CNTN4: variants seen among roughly 807,000 people sequenced by gnomAD.
CNTN4 encodes the protein contactin 4, also known as contactin-4.
A neutral mutation model predicts 122.5 loss-of-function variants in CNTN4; 77 were observed. The observed-to-expected ratio is 0.63, with a 90% CI of 0.52 to 0.76. The LOEUF (loss-of-function observed/expected upper bound fraction) is 0.76. Among genes scored for constraint, CNTN4 ranks in the 30% least tolerant of loss-of-function variants. The pLI is 0.00. For synonymous variants in CNTN4, 512 were observed against 447.0 expected (o/e 1.15, Z -1.83); for missense variants, 1,256 against 1,259.1 (o/e 1.00, Z 0.04).
intron 2 of CNTN4, among the ~76,000 whole-genome samples, chr3:2,332,177 G>T (rs1432012486): frequency 6.6e-6 from 1 of 152,018 alleles, no homozygotes; most frequent in East Asian, 1.9e-4. Flanking sequence ...AGTAACTTAT[G>T]GGCCACAATG....
chr3:2,331,765 G>A (rs1054717735), intron 2 of CNTN4, among the ~76,000 whole-genome samples: 2 of 152,170 alleles, frequency 1.3e-5, no homozygotes, highest in African/African-American at 4.8e-5. Context: ...TCAAGACCCC[G>A]AGTTTTGGGT....
At chr3:2,685,710 G>A (rs1413581990) in intron 4 of CNTN4, among the ~76,000 whole-genome samples, 1 of 151,962 alleles carries the variant, frequency 6.6e-6, no homozygotes, top group Non-Finnish European at 1.5e-5. Context: ...TGTTGTTCTT[G>A]TTGAAGCATG....
chr3:2,859,538 G>T (rs1047276165), intron 7 of CNTN4, among the ~76,000 whole-genome samples: 12 of 146,282 alleles, frequency 8.2e-5, no homozygotes, highest in Admixed American at 6.1e-4. Context: ...TGCTTTCCTG[G>T]TTTTTTTTTT....
At chr3:2,502,358 A>G (rs557600101) in intron 3 of CNTN4, among the ~76,000 whole-genome samples, 2 of 152,150 alleles carry the variant, frequency 1.3e-5, no homozygotes, top group East Asian at 3.9e-4. Context: ...TTTTTGCTTC[A>G]TGTCTCATCT....
At chr3:2,105,580 C>A (rs575315518) in intron 2 of CNTN4, among the ~76,000 whole-genome samples, 7 of 152,258 alleles carry the variant, frequency 4.6e-5, no homozygotes, top group African/African-American at 1.7e-4. Flanking sequence ...TGAGAACTCA[C>A]AATCATGAGA....
At chr3:2,989,604 T>C (rs1694880159) in intron 14 of CNTN4, among the ~76,000 whole-genome samples, 1 of 152,202 alleles carries the variant, frequency 6.6e-6, no homozygotes, top group Non-Finnish European at 1.5e-5. Flanking sequence ...TACTTGACCA[T>C]GCAGATAGAA....
chr3:2,927,837 T>G (rs1408563342), intron 13 of CNTN4, among the ~76,000 whole-genome samples: 1 of 152,216 alleles, frequency 6.6e-6, no homozygotes, highest in Non-Finnish European at 1.5e-5. Context: ...ATTCCTGCTA[T>G]TTATCGCCTC....
At chr3:2,664,229 GT>G (rs1559361586) in intron 4 of CNTN4, among the ~76,000 whole-genome samples, 1 of 152,146 alleles carries the variant, frequency 6.6e-6, no homozygotes, top group African/African-American at 2.4e-5. Flanking sequence ...AACCAGTGAA[GT>G]TTGGGGTAAT....
At chr3:2,495,279 A>G (rs1183855406) in intron 3 of CNTN4, among the ~76,000 whole-genome samples, 4 of 152,228 alleles carry the variant, frequency 2.6e-5, no homozygotes, top group African/African-American at 7.2e-5. Context: ...CTAATTTCCC[A>G]TAATACTTTA....
rs2091098229 is a variant in CNTN4, at chr3:2,771,506, C to A, written c.358+25809C>A. Among the ~76,000 whole-genome samples, 5 of 152,204 alleles carry A rather than the reference C, an allele frequency of 3.3e-5. No individual in the cohort carries two copies. In the South Asian group the frequency reaches 1.0e-3, roughly 32 times the overall value. On this transcript the variant is annotated intron_variant, in intron 6 of 24. Coordinates refer to ENST00000418658, the MANE Select transcript of CNTN4 (RefSeq NM_175607.3). Reference sequence around the variant, plus strand: ...ATGTGACCTCTGGCAAATCATTCTACCTCTCTGAGTCTCAGTTTCATTCTC... The same window carrying A: ...ATGTGACCTCTGGCAAATCATTCTAACTCTCTGAGTCTCAGTTTCATTCTC...
intron 4 of CNTN4, among the ~76,000 whole-genome samples, chr3:2,614,158 T>C (rs1331847496): frequency 6.6e-6 from 1 of 152,128 alleles, no homozygotes; most frequent in Non-Finnish European, 1.5e-5. Flanking sequence ...AAGCAGAGTT[T>C]AAGCTGAAAT....
chr3:2,452,525 C>G (rs1225933535), intron 3 of CNTN4, among the ~76,000 whole-genome samples: 4 of 152,134 alleles, frequency 2.6e-5, no homozygotes. Context: ...AATTACAGTG[C>G]TAGTTTGTTA....
At chr3:2,120,453 G>C (rs1025350343) in intron 2 of CNTN4, among the ~76,000 whole-genome samples, 2 of 134,946 alleles carry the variant, frequency 1.5e-5, no homozygotes, top group Admixed American at 8.0e-5. Context: ...GCCGAGGCTG[G>C]AATGCAGTGG....
intron 2 of CNTN4, among the ~76,000 whole-genome samples, chr3:2,129,494 AGCATACATGCAAAGAGG>A (rs1265416301): frequency 4.6e-5 from 7 of 151,932 alleles, no homozygotes; most frequent in Admixed American, 2.0e-4. Context: ...AATTTCCTTT[AGCATACATGCAAAGAGG>A]GCATGTTTAT....
At chr3:2,697,995 A>G (rs566085130) in intron 4 of CNTN4, among the ~76,000 whole-genome samples, 1 of 152,318 alleles carries the variant, frequency 6.6e-6, no homozygotes, top group South Asian at 2.1e-4. Context: ...ACCTTGTAAC[A>G]TTCATCCGGA....
At chr3:2,108,381 T>C (rs1391954729) in intron 2 of CNTN4, among the ~76,000 whole-genome samples, 1 of 152,180 alleles carries the variant, frequency 6.6e-6, no homozygotes, top group Non-Finnish European at 1.5e-5. Flanking sequence ...ATAATATCTG[T>C]CATGAGAATG....
intron 8 of CNTN4, among the ~76,000 whole-genome samples, chr3:2,869,636 T>C (rs1274049588): frequency 6.6e-6 from 1 of 152,218 alleles, no homozygotes; most frequent in East Asian, 1.9e-4. Flanking sequence ...CATCTTTCTA[T>C]AATAACATTC....
intron 2 of CNTN4, among the ~76,000 whole-genome samples, chr3:2,230,406 A>G (rs2039440366): frequency 2.0e-5 from 3 of 152,166 alleles, no homozygotes; most frequent in South Asian, 2.1e-4. Flanking sequence ...GGTTTAGGTG[A>G]TTTGTCCAAG....
intron 3 of CNTN4, among the ~76,000 whole-genome samples, chr3:2,500,765 CT>C (rs2076573260): frequency 6.6e-6 from 1 of 151,498 alleles, no homozygotes; most frequent in Non-Finnish European, 1.5e-5. Flanking sequence ...TTAATTTTTT[CT>C]ATTGAAGTAT....
Sources: allele counts gnomAD v4.1 joint callset (sites outside exome capture counted in the v4.1 genomes callset), GRCh38; gene constraint gnomAD v4.1.1; transcripts MANE v1.5; gene names NCBI Gene and HGNC (gene_info 2026-07-23, HGNC 2026-07-21).